The following TTBK2 variants were observed in gnomAD, a reference collection of about 807,000 sequenced individuals.
TTBK2 encodes the protein tau tubulin kinase 2.
In TTBK2, 28 loss-of-function variants were observed where a neutral mutation model predicts 110.8. The ratio of observed to expected loss-of-function variants is 0.25; its 90% CI spans 0.19 to 0.35. The LOEUF (loss-of-function observed/expected upper bound fraction) is 0.35. TTBK2 is among the 10% of genes least tolerant of loss of function. The probability of loss-of-function intolerance (pLI) is 1.00; values close to 1 mark genes in which losing one functional copy is unlikely to be tolerated. For synonymous variants in TTBK2, 532 were observed against 527.3 expected (o/e 1.01, Z -0.12); for missense variants, 1,369 against 1,500.3 (o/e 0.91, Z 1.45).
intron 11 of TTBK2, 130 bp from the exon 12 acceptor site, chr15:42,777,372 TA>T: frequency 1.0e-6 from 1 of 970,470 alleles, no homozygotes; most frequent in Non-Finnish European, 1.5e-6. Context: ...ATATTTTGGC[TA>T]GTTTACTTCA....
At chr15:42,771,452 A>G (rs565557994) in intron 13 of TTBK2, among the ~76,000 whole-genome samples, 1 of 152,188 alleles carries the variant, frequency 6.6e-6, no homozygotes, top group Non-Finnish European at 1.5e-5. Context: ...AACTGTTTAG[A>G]TGTAACTTTT....
At chr15:42,810,577 AAAAT>A in intron 9 of TTBK2, 33 bp downstream of exon 9, 1 of 1,612,202 alleles carries the variant, frequency 6.2e-7, no homozygotes, top group Non-Finnish European at 8.5e-7. Flanking sequence ...ACTAAGAGAG[AAAAT>A]AACTAACCCA....
chr15:42,893,036 G>GA lies in TTBK2; in HGVS notation c.-67-14353dup, dbSNP rs958985913. On this transcript the variant is annotated intron_variant, in intron 1 of 14. Transcript: ENST00000267890. ...AAAAAAAAAAAAAAAAAGAAAGAAA[G>GA]AAAAAAAACCAAAATGTTTGCCAAT... Among the ~76,000 whole-genome samples the GA allele has an allele frequency of 4.8e-4, 70 of 146,602 alleles. 1 individual carries two copies. The highest frequency in any genetic ancestry group is 7.1e-3 in the Middle Eastern group (2 of 282).
intron 9 of TTBK2, among the ~76,000 whole-genome samples, chr15:42,810,145 A>G (rs567857186): frequency 6.6e-5 from 10 of 152,246 alleles, no homozygotes; most frequent in African/African-American, 2.4e-4. Flanking sequence ...TCATTAACTG[A>G]TGCTCTAAGG....
intron 11 of TTBK2, among the ~76,000 whole-genome samples, chr15:42,780,425 G>A (rs1890135322): frequency 1.3e-5 from 2 of 151,230 alleles, no homozygotes; most frequent in Non-Finnish European, 2.9e-5. Flanking sequence ...AAGTTAAAAT[G>A]TTCTACAGTC....
chr15:42,794,847 G>C (rs528039690), intron 9 of TTBK2, 46 bp from the exon 10 acceptor site: 4 of 1,603,854 alleles, frequency 2.5e-6, no homozygotes, highest in Admixed American at 3.3e-5. Flanking sequence ...AGTAAACATA[G>C]TCACTTTATT....
chr15:42,771,216 G>A (rs1363688207), intron 13 of TTBK2, among the ~76,000 whole-genome samples: 1 of 151,838 alleles, frequency 6.6e-6, no homozygotes, highest in East Asian at 1.9e-4. Flanking sequence ...CTCGTGATCC[G>A]CCAGCCTTGG....
At chr15:42,773,193 A>G (rs1595895159) in intron 13 of TTBK2, among the ~76,000 whole-genome samples, 1 of 152,112 alleles carries the variant, frequency 6.6e-6, no homozygotes, top group Non-Finnish European at 1.5e-5. Context: ...ACTGAGGAAG[A>G]CCTAGCCTCT....
chr15:42,884,799 G>A (rs548345032), intron 1 of TTBK2, among the ~76,000 whole-genome samples: 1 of 152,308 alleles, frequency 6.6e-6, no homozygotes, highest in East Asian at 1.9e-4. Context: ...CATATCCCCT[G>A]TGACCTGCAC....
Position 42,752,834 on chromosome 15 carries a change from AGAG to A in TTBK2, c.2409_2411del (p.Ser804del), listed in dbSNP as rs1778096702. 6.2e-7 allele frequency: 1 copy of A among 1,614,160 alleles called. No homozygotes were observed. Among genetic ancestry groups the A allele is most frequent in the African/African-American group, 1.3e-5 (1 of 75,046 alleles). ...CCACAATTACCAAATCTCCTGGGAG[AGAG>A]GAGATCTCAATACAATGCTGCCCTC... On this transcript the variant is annotated inframe_deletion, in exon 14 of 15. Coordinates refer to ENST00000267890, the MANE Select transcript of TTBK2 (RefSeq NM_173500.4).
In TTBK2 at chr15:42,741,204, C is replaced by T. The variant is rs997002409; in HGVS notation, c.*4591G>A. 6.6e-6 allele frequency: 1 copy of T among 152,172 alleles called. No individual in the cohort carries two copies. Among genetic ancestry groups the T allele is most frequent in the Non-Finnish European group, 1.5e-5 (1 of 68,014 alleles). The allele number at this position is 152,172 out of a possible 1,614,324, so 9.4% of individuals were successfully genotyped here. On this transcript the variant is annotated 3_prime_UTR_variant, in exon 15 of 15. Coordinates refer to ENST00000267890, the MANE Select transcript of TTBK2 (RefSeq NM_173500.4). Reference sequence around the variant, plus strand: ...TACTTCCTTATCCTCAAGGCACACACCAGAGTTCCACTGGGTGAGGACAGG... The same window carrying T: ...TACTTCCTTATCCTCAAGGCACACATCAGAGTTCCACTGGGTGAGGACAGG...
intron 1 of TTBK2, chr15:42,919,748 G>T (rs1312846746): frequency 4.1e-6 from 4 of 978,588 alleles, no homozygotes; most frequent in Non-Finnish European, 4.9e-6. Context: ...ACAACTCAAT[G>T]TCATTTTTAC....
intron 3 of TTBK2, among the ~76,000 whole-genome samples, chr15:42,858,112 CAA>C (rs754547482): frequency 1.3e-4 from 20 of 151,864 alleles, no homozygotes; most frequent in Non-Finnish European, 2.2e-4. Flanking sequence ...ACAACAAAAC[CAA>C]AGTTAATGGA....
At chr15:42,747,781 A>G (rs1266458037) in intron 14 of TTBK2, among the ~76,000 whole-genome samples, 1 of 152,236 alleles carries the variant, frequency 6.6e-6, no homozygotes, top group Non-Finnish European at 1.5e-5. Context: ...ATGGTAATGG[A>G]AAGTGTACAG....
In TTBK2 at chr15:42,775,637, G is replaced by A. The variant is rs751622999; in HGVS notation, c.1496C>T (p.Ser499Phe). The change falls in exon 13 of 15, where the codon TCC becomes TTC. Residue 499 changes from serine to phenylalanine, a missense_variant. Ser to Phe is a radical substitution (Grantham distance 155). This residue lies in a region of TTBK2 where 1,097 missense variants were observed against 1,114.7 expected (regional missense o/e 0.98). Transcript: ENST00000267890. ...ATAGTGCCAGATGTGGTCAGTACGG[G>A]ACACAGCAGGAACGCAAGGCTTATG... ...LLHKPCVPAV[S>F]RTDHIWHYDE... The A allele has an allele frequency of 1.9e-6, 3 of 1,613,566 alleles. No individual in the cohort carries two copies. Among genetic ancestry groups the A allele is most frequent in the Non-Finnish European group, 2.5e-6 (3 of 1,179,652 alleles).
chr15:42,894,066 G>A (rs1249422664), intron 1 of TTBK2, among the ~76,000 whole-genome samples: 2 of 152,174 alleles, frequency 1.3e-5, no homozygotes, highest in Admixed American at 1.3e-4. Flanking sequence ...GGCAGTTACT[G>A]CCATGATGCT....
At chr15:42,824,925 G>T (rs74897917) in intron 6 of TTBK2, among the ~76,000 whole-genome samples, 10,968 of 151,816 alleles carry the variant, frequency 0.072, 554 homozygotes, top group Non-Finnish European at 0.1. Context: ...AGGGGAAAAA[G>T]CAAATAATAA....
At chr15:42,759,190 G>C (rs1192140944) in intron 13 of TTBK2, among the ~76,000 whole-genome samples, 1 of 152,220 alleles carries the variant, frequency 6.6e-6, no homozygotes, top group African/African-American at 2.4e-5. Context: ...ACTAACCCCT[G>C]CCATGCACAC....
intron 11 of TTBK2, among the ~76,000 whole-genome samples, chr15:42,778,999 G>C (rs1001945929): frequency 2.6e-5 from 4 of 152,216 alleles, no homozygotes; most frequent in South Asian, 2.1e-4. Flanking sequence ...AAGTAGCTGG[G>C]AAGGAAAGAT....
Sources: gnomAD v4.1 joint callset for allele counts (sites outside exome capture counted in the v4.1 genomes callset) on GRCh38, gnomAD v4.1.1 for gene constraint, gnomAD v4.1.1 regional missense constraint, MANE v1.5 for transcripts, NCBI Gene and HGNC (gene_info 2026-07-23, HGNC 2026-07-21) for gene names.